The following TNS1 variants were observed in gnomAD, a reference collection of about 807,000 sequenced individuals.
TNS1 encodes the protein tensin-1.
A neutral mutation model predicts 168.6 loss-of-function variants in TNS1; 62 were observed. That is an observed-to-expected ratio of 0.37 (90% CI 0.30 to 0.45). TNS1 has a LOEUF of 0.45. Ranked by LOEUF, TNS1 falls within the 20% of genes least tolerant of loss-of-function variation. TNS1 has a pLI of 1.00. For synonymous variants in TNS1, 934 were observed against 933.2 expected (o/e 1.00, Z -0.02); for missense variants, 2,240 against 2,339.4 (o/e 0.96, Z 0.88).
intron 1 of TNS1, among the ~76,000 whole-genome samples, chr2:218,017,703 G>A (rs1958773692): frequency 6.6e-6 from 1 of 152,250 alleles, no homozygotes; most frequent in Admixed American, 6.5e-5. Context: ...CTGTAAAATG[G>A]AGACTAGGTT....
At chr2:218,015,987 G>A (rs1464958119) in intron 1 of TNS1, among the ~76,000 whole-genome samples, 1 of 151,948 alleles carries the variant, frequency 6.6e-6, no homozygotes, top group African/African-American at 2.4e-5. Flanking sequence ...AATTGATTCT[G>A]ATGGAACTAG....
intron 1 of TNS1, among the ~76,000 whole-genome samples, chr2:218,016,225 G>C (rs1958758641): frequency 6.6e-6 from 1 of 152,172 alleles, no homozygotes; most frequent in East Asian, 1.9e-4. Flanking sequence ...GGGTGGTTGG[G>C]TTGAGAGGCA....
chr2:217,935,934 T>G (rs1400800240), intron 3 of TNS1, among the ~76,000 whole-genome samples: 1 of 152,144 alleles, frequency 6.6e-6, no homozygotes, highest in Admixed American at 6.5e-5. Context: ...ACTGTGAAGG[T>G]GACCCCCACA....
rs1330170750 is a variant in TNS1, at chr2:217,808,590, A to T, written c.5342+13T>A. ...AAGCTGTGTGGGAGAGAAGCTGTGT[A>T]CAAGAGACTTACTTTCTTTCCTGTG... is the stretch of plus-strand genomic sequence containing the variant. On this transcript the variant is annotated intron_variant, in intron 31 of 32. Coordinates refer to ENST00000682258, the MANE Select transcript of TNS1 (RefSeq NM_001387777.1). The T allele has an allele frequency of 1.9e-6, 3 of 1,613,522 alleles. No homozygotes were observed. The highest frequency in any genetic ancestry group is 1.3e-5 in the African/African-American group (1 of 74,908).
At chr2:217,811,581 G>A (rs1341172260) in intron 28 of TNS1, among the ~76,000 whole-genome samples, 1 of 152,178 alleles carries the variant, frequency 6.6e-6, no homozygotes, top group Non-Finnish European at 1.5e-5. Flanking sequence ...ACAGAGTGGG[G>A]AGAAGGCAGC....
intron 1 of TNS1, among the ~76,000 whole-genome samples, chr2:218,025,713 A>AT (rs1251928460): frequency 1.3e-5 from 2 of 150,792 alleles, no homozygotes; most frequent in Non-Finnish European, 3.0e-5. Flanking sequence ...TTATTTAGAG[A>AT]TCCCCCAGAT....
At chr2:217,809,394 T>C (rs1206450907) in intron 30 of TNS1, among the ~76,000 whole-genome samples, 43 of 119,714 alleles carry the variant, frequency 3.6e-4, no homozygotes, top group African/African-American at 1.4e-3. Flanking sequence ...GATGGATGGA[T>C]GGATGGATGG....
Position 217,813,307 on chromosome 2 carries a change from C to A in TNS1, c.4862G>T (p.Gly1621Val). The A allele has an allele frequency of 2.3e-5, 36 of 1,579,454 alleles. No homozygotes were observed. The highest frequency in any genetic ancestry group is 3.1e-5 in the Non-Finnish European group (36 of 1,160,232). ...CCTGACCAGCTCATGGGTCATGTCT[C>A]CTGGGACAAAGAGAAAGAAATAAGG... ...PPTIMQQNKKGDMTHELVRHF... is the reference protein window; with the variant it reads ...PPTIMQQNKKVDMTHELVRHF... Residue 1621 changes from glycine to valine, a missense_variant and splice_region_variant, in exon 27 of 33, where the codon GGA (glycine) becomes GTA (valine). Coordinates refer to ENST00000682258, the MANE Select transcript of TNS1 (RefSeq NM_001387777.1). This position sits in a 1 kb window ranked among gnomAD's most constrained non-coding sequence, Gnocchi z 4.0.
intron 18 of TNS1, among the ~76,000 whole-genome samples, chr2:217,873,261 C>T (rs1425407941): frequency 1.3e-5 from 2 of 152,146 alleles, no homozygotes; most frequent in Non-Finnish European, 2.9e-5. Context: ...AACTATACCG[C>T]CATACACACC....
rs933179099 is a variant in TNS1, at chr2:217,948,012, G to C, written c.187-27776C>G. ...CAAAAGCACAAAGCGGCTAATGAAA[G>C]AGATAGAATTTCAATGCAGCTCTTC... is the stretch of plus-strand genomic sequence containing the variant. On this transcript the variant is annotated intron_variant, in intron 3 of 32. Transcript: ENST00000682258. This position sits in a 1 kb window ranked among gnomAD's most constrained non-coding sequence, Gnocchi z 4.1. 2.0e-5 allele frequency among the ~76,000 whole-genome samples: 3 copies of C among 152,170 alleles called. No individual in the cohort carries two copies. Among genetic ancestry groups the C allele is most frequent in the Admixed American group, 6.5e-5 (1 of 15,286 alleles).
chr2:217,927,620 T>C (rs1259517744), intron 3 of TNS1, among the ~76,000 whole-genome samples: 2 of 152,056 alleles, frequency 1.3e-5, no homozygotes, highest in African/African-American at 2.4e-5. Flanking sequence ...GAGGACCCTA[T>C]AACCCAGAGA....
In TNS1 at chr2:217,925,398, C is replaced by T. The variant is rs570260357; in HGVS notation, c.187-5162G>A. On this transcript the variant is annotated intron_variant, in intron 3 of 32. Coordinates refer to ENST00000682258, the MANE Select transcript of TNS1 (RefSeq NM_001387777.1). ...GGGTGACACTCCTGTCCCCAGGCCA[C>T]CAAGAAAGAGCCAACCTCTCAGCCT... Among the ~76,000 whole-genome samples, 11 of 152,252 alleles carry T rather than the reference C, an allele frequency of 7.2e-5. No individual in the cohort carries two copies. The East Asian group carries it at 2.1e-3, about 29-fold the overall frequency.
intron 3 of TNS1, among the ~76,000 whole-genome samples, chr2:217,942,745 C>T (rs1045223477): frequency 4.6e-5 from 7 of 151,620 alleles, no homozygotes; most frequent in African/African-American, 1.7e-4. Context: ...GTTTCCAGGT[C>T]CCCCTCCTAT....
At chr2:217,838,072 C>T (rs902113758) in intron 19 of TNS1, among the ~76,000 whole-genome samples, 2 of 152,218 alleles carry the variant, frequency 1.3e-5, no homozygotes, top group African/African-American at 2.4e-5. Context: ...ATTTGGGAGA[C>T]GCTCTTGGGG....
In TNS1 at chr2:217,805,398, C is replaced by G. The variant is rs1938330581; in HGVS notation, c.5376-795G>C. 4.0e-5 allele frequency among the ~76,000 whole-genome samples: 3 copies of G among 75,184 alleles called. No individual in the cohort carries two copies. In the Admixed American group the frequency reaches 4.5e-4, roughly 11 times the overall value. The allele number at this position is 75,184 out of a possible 152,430, so 49.3% of individuals were successfully genotyped here. ...TTAGCAAAGGGGGATTCTGCTGGTC[C>G]CTGTGTGCCTGTGTGTACAAACCAC... On this transcript the variant is annotated intron_variant, in intron 32 of 32. Transcript: ENST00000682258.
chr2:218,003,270 A>G (rs189196979), upstream of TNS1, among the ~76,000 whole-genome samples: 403 of 142,820 alleles, frequency 2.8e-3, no homozygotes, highest in African/African-American at 0.01. Flanking sequence ...TGGTGCTGGT[A>G]GGCCTGGAGT....
At chr2:217,976,033 C>T (rs146767283) in intron 3 of TNS1, among the ~76,000 whole-genome samples, 99 of 152,318 alleles carry the variant, frequency 6.5e-4, no homozygotes, top group African/African-American at 2.0e-3. Flanking sequence ...AGGGCCTTTG[C>T]ACCTGCTCTT....
At chr2:217,980,522 G>GAGAA (rs1183379108) in intron 2 of TNS1, among the ~76,000 whole-genome samples, 7 of 144,442 alleles carry the variant, frequency 4.8e-5, no homozygotes, top group African/African-American at 2.0e-4. Flanking sequence ...GAGAGAGAGA[G>GAGAA]AGAGAGAGAG....
In TNS1 at chr2:217,920,077, C is replaced by T. The variant is rs1237745811; in HGVS notation, c.228+118G>A. Reference sequence around the variant, plus strand: ...GCCCAGGGAGGTCGACCCTCCTCCTCCACCTAATTGTCCGACACCCCAGTT... The same window carrying T: ...GCCCAGGGAGGTCGACCCTCCTCCTTCACCTAATTGTCCGACACCCCAGTT... On this transcript the variant is annotated intron_variant, in intron 4 of 32. Coordinates refer to ENST00000682258, the MANE Select transcript of TNS1 (RefSeq NM_001387777.1). 5 of 691,504 alleles carry T rather than the reference C, an allele frequency of 7.2e-6. No homozygotes were observed. The African/African-American group carries it at 8.8e-5, about 12-fold the overall frequency. The allele number at this position is 691,504 out of a possible 1,614,324, so 42.8% of individuals were successfully genotyped here.
Sources: allele counts gnomAD v4.1 joint callset (sites outside exome capture counted in the v4.1 genomes callset), GRCh38; gene constraint gnomAD v4.1.1; non-coding constraint Gnocchi (gnomAD v3.1); transcripts MANE v1.5; gene names NCBI Gene and HGNC (gene_info 2026-07-23, HGNC 2026-07-21).